DNAAF4: variants seen among roughly 807,000 people sequenced by gnomAD.
DNAAF4 encodes dynein axonemal assembly factor 4.
DNAAF4 carries 43 observed loss-of-function variants against 51.8 expected under a neutral mutation model. The ratio of observed to expected loss-of-function variants is 0.83; its 90% CI spans 0.65 to 1.07. The LOEUF is 1.07. DNAAF4 is among the 50% of genes least tolerant of loss of function. The pLI, the probability that DNAAF4 is intolerant of heterozygous loss-of-function variation, is 0.00. For synonymous variants in DNAAF4, 194 were observed against 165.6 expected, an observed-to-expected ratio of 1.17 and a Z score of -1.32; for missense variants, 581 against 493.0, an observed-to-expected ratio of 1.18 and a Z score of -1.69.
At chr15:55,443,357 T>C (rs921891333) in intron 6 of DNAAF4, 5 of 795,472 alleles carry the variant, frequency 6.3e-6, no homozygotes, top group South Asian at 1.6e-5. Context: ...CTCCTCAGCA[T>C]GGCTCAGGGC....
At position 55,498,252 on chromosome 15, in the gene DNAAF4, C is replaced by T. The variant is rs776890897; in HGVS notation, c.78G>A (p.Val26=). The change falls in exon 2 of 10, where the codon GTG becomes GTA. Residue 26 remains valine (V), a synonymous_variant. Coordinates refer to ENST00000321149, the MANE Select transcript of DNAAF4 (RefSeq NM_130810.4). ...AVFLSLPLKG[V]CVRDTDVFCT... is the part of the protein sequence containing the mutation. ...AGAACACGTCCGTGTCTCTGACGCA[C>T]ACGCCTTTGAGGGGCAGAGACAGAA... 7 of 1,613,836 alleles carry T rather than the reference C, an allele frequency of 4.3e-6. No homozygotes were observed. The highest frequency in any genetic ancestry group is 2.2e-5 in the East Asian group (1 of 44,866).
chr15:55,494,700 C>A lies in DNAAF4; in HGVS notation c.271+3012G>T, dbSNP rs2058617881. Among the ~76,000 whole-genome samples the A allele has an allele frequency of 2.0e-5, 3 of 152,310 alleles. No individual in the cohort carries two copies. The East Asian group carries it at 5.8e-4, about 29-fold the overall frequency. ...GTGATGGGATTACAAGCATGAGCCA[C>A]TGCGCTGAGCTTAAGTCAGTTTTAA... On this transcript the variant is annotated intron_variant, in intron 3 of 9. Transcript: ENST00000321149.
At chr15:55,433,657 C>A (rs1211047381) in intron 8 of DNAAF4, among the ~76,000 whole-genome samples, 1 of 140,110 alleles carries the variant, frequency 7.1e-6, no homozygotes, top group Non-Finnish European at 1.5e-5. Context: ...GCCTCAAGCA[C>A]TCACCTAAAT....
intron 1 of DNAAF4, among the ~76,000 whole-genome samples, chr15:55,500,684 A>T (rs1216102692): frequency 6.6e-6 from 1 of 152,150 alleles, no homozygotes; most frequent in Non-Finnish European, 1.5e-5. Flanking sequence ...ACTCTGAATG[A>T]ATTATACCTT....
chr15:55,483,833 C>CAT (rs1567028675), intron 4 of DNAAF4, among the ~76,000 whole-genome samples: 4 of 82,504 alleles, frequency 4.8e-5, no homozygotes, highest in Admixed American at 1.6e-4. Context: ...GCCAATAAAG[C>CAT]TTTTTTTTTT....
downstream of DNAAF4, among the ~76,000 whole-genome samples, chr15:55,430,094 G>A (rs1428643875): frequency 1.3e-5 from 2 of 152,108 alleles, no homozygotes; most frequent in Admixed American, 1.3e-4. Context: ...GTTTTCAGGT[G>A]CACAGCCTAT....
At chr15:55,440,245 G>T (rs2057686838) in intron 6 of DNAAF4, among the ~76,000 whole-genome samples, 1 of 151,712 alleles carries the variant, frequency 6.6e-6, no homozygotes, top group Admixed American at 6.6e-5. Context: ...TAGAGACAGG[G>T]TTTCACTATT....
intron 6 of DNAAF4, among the ~76,000 whole-genome samples, chr15:55,448,316 C>A (rs2057871580): frequency 6.6e-6 from 1 of 151,902 alleles, no homozygotes. Flanking sequence ...GGTTTGCCAG[C>A]ATTTTATTGA....
rs111650033 is a variant in DNAAF4 at position 55,489,819 on chromosome 15, G to C, written c.405+1304C>G. Among the ~76,000 whole-genome samples the C allele has an allele frequency of 3.2e-3, 484 of 151,284 alleles. 1 individual carries two copies. Among genetic ancestry groups the C allele is most frequent in the African/African-American group, 0.011 (456 of 41,220 alleles). On this transcript the variant is annotated intron_variant, in intron 4 of 9. Transcript: ENST00000321149. ...GGTCCACAAAAATCTTAAATAATGC[G>C]TATTATAGATTCCTTAGTCACTGCA...
chr15:55,468,619 T>C (rs1265132883), intron 4 of DNAAF4, among the ~76,000 whole-genome samples: 1 of 152,110 alleles, frequency 6.6e-6, no homozygotes, highest in East Asian at 1.9e-4. Flanking sequence ...ATGTCTGCCT[T>C]TTTTCACTCT....
chr15:55,473,114 C>T (rs1371640902), intron 4 of DNAAF4, among the ~76,000 whole-genome samples: 2 of 147,302 alleles, frequency 1.4e-5, no homozygotes, highest in Admixed American at 6.9e-5. Context: ...TGCAGTGAGC[C>T]GAGACTGCGC....
intron 5 of DNAAF4, among the ~76,000 whole-genome samples, chr15:55,456,100 A>G (rs2058015886): frequency 6.8e-6 from 1 of 146,922 alleles, no homozygotes; most frequent in African/African-American, 2.5e-5. Flanking sequence ...TTTTTTTGAG[A>G]TGGAGTTTCA....
chr15:55,496,180 G>A (rs1418706234), intron 3 of DNAAF4, among the ~76,000 whole-genome samples: 1 of 152,112 alleles, frequency 6.6e-6, no homozygotes. Context: ...GCAGTGAGCC[G>A]AGATCGCATC....
chr15:55,486,634 A>G (rs1429142682), intron 4 of DNAAF4, among the ~76,000 whole-genome samples: 1 of 152,274 alleles, frequency 6.6e-6, no homozygotes, highest in South Asian at 2.1e-4. Context: ...CTACAAAAAA[A>G]TTAGCAGGGC....
intron 4 of DNAAF4, among the ~76,000 whole-genome samples, chr15:55,487,923 A>C (rs1313305826): frequency 2.0e-5 from 3 of 152,164 alleles, no homozygotes; most frequent in Non-Finnish European, 4.4e-5. Context: ...GGACTTGGCT[A>C]TGTGACTTGA....
At chr15:55,443,347 C>T in intron 6 of DNAAF4, 3 of 866,058 alleles carry the variant, frequency 3.5e-6, no homozygotes, top group Non-Finnish European at 5.4e-6. Flanking sequence ...CCTGGCGCAG[C>T]TCCTCAGCAT....
In DNAAF4 at chr15:55,430,622, G is replaced by A. The variant is rs554825608; in HGVS notation, c.*48C>T. The A allele has an allele frequency of 3.8e-6, 6 of 1,587,546 alleles. No individual in the cohort carries two copies. In the African/African-American group the frequency reaches 5.4e-5, roughly 14 times the overall value. ...CATAATATGTACAAAGATGCCTCCA[G>A]TTGTTTTTAAAAAACTTATAACAAT... On this transcript the variant is annotated 3_prime_UTR_variant, in exon 10 of 10. Coordinates refer to ENST00000321149, the MANE Select transcript of DNAAF4 (RefSeq NM_130810.4).
chr15:55,418,572 A>G, intron 7 of DNAAF4: 1 of 1,428,036 alleles, frequency 7.0e-7, no homozygotes. Flanking sequence ...ACTCTATGAA[A>G]ATATATTCCT....
At chr15:55,491,068 T>C in intron 4 of DNAAF4, 55 bp downstream of exon 4, 1 of 1,598,910 alleles carries the variant, frequency 6.3e-7, no homozygotes, top group Non-Finnish European at 8.5e-7. Flanking sequence ...CTCACTATCC[T>C]CACATAGTCT....
Sources: gnomAD v4.1 joint callset for allele counts (sites outside exome capture counted in the v4.1 genomes callset) on GRCh38, gnomAD v4.1.1 for gene constraint, MANE v1.5 for transcripts, NCBI Gene and HGNC (gene_info 2026-07-23, HGNC 2026-07-21) for gene names.